The following ZNF804A variants were observed in gnomAD, a reference collection of about 807,000 sequenced individuals.
ZNF804A encodes zinc finger protein 804A.
Under a neutral mutation model 16.5 loss-of-function variants are expected in ZNF804A, and 2 were observed. The ratio of observed to expected loss-of-function variants is 0.12; its 90% CI spans 0.05 to 0.38. The LOEUF is 0.38. Among genes scored for constraint, ZNF804A ranks in the 10% least tolerant of loss-of-function variants. The probability of loss-of-function intolerance (pLI) is 0.99; values close to 1 mark genes in which losing one functional copy is unlikely to be tolerated. For synonymous variants in ZNF804A, 534 were observed against 489.6 expected, an observed-to-expected ratio of 1.09 and a Z score of -1.20; for missense variants, 1,473 against 1,390.7, an observed-to-expected ratio of 1.06 and a Z score of -0.94.
At chr2:184,773,806 A>T (rs771068243) in intron 1 of ZNF804A, among the ~76,000 whole-genome samples, 12 of 152,068 alleles carry the variant, frequency 7.9e-5, no homozygotes, top group East Asian at 1.9e-4. Flanking sequence ...TGAAATAAAA[A>T]TTTTTTAAAA....
chr2:184,749,560 C>A (rs988708503), intron 1 of ZNF804A, among the ~76,000 whole-genome samples: 2 of 151,180 alleles, frequency 1.3e-5, no homozygotes, highest in Non-Finnish European at 3.0e-5. Context: ...TATTTGAATG[C>A]CTTTTATTTC....
rs145615729 is a variant in ZNF804A at position 184,653,731 on chromosome 2, T to C, written c.111+54661T>C. ...ATGCACAGTGCATTTACAGGAGTTG[T>C]ATGCATGTTCTCCTGAGGCATTCTT... On this transcript the variant is annotated intron_variant, in intron 1 of 3. Transcript: ENST00000302277. Among the ~76,000 whole-genome samples, 110 of 152,302 alleles carry C rather than the reference T, an allele frequency of 7.2e-4. 1 individual carries two copies. The highest frequency in any genetic ancestry group is 5.6e-3 in the South Asian group (27 of 4,828).
At chr2:184,863,552 A>AT (rs1326749437) in intron 1 of ZNF804A, among the ~76,000 whole-genome samples, 69 of 136,736 alleles carry the variant, frequency 5.0e-4, no homozygotes, top group African/African-American at 2.0e-3. Flanking sequence ...TATCAAACTT[A>AT]TTAAAAAAAA....
At chr2:184,662,802 A>T (rs551695879) in intron 1 of ZNF804A, among the ~76,000 whole-genome samples, 1 of 152,336 alleles carries the variant, frequency 6.6e-6, no homozygotes, top group South Asian at 2.1e-4. Flanking sequence ...AGTGATGTTG[A>T]AGATGTTATG....
chr2:184,710,039 T>A (rs1343103923), intron 1 of ZNF804A, among the ~76,000 whole-genome samples: 1 of 151,252 alleles, frequency 6.6e-6, no homozygotes, highest in Non-Finnish European at 1.5e-5. Flanking sequence ...TTACAGGAAA[T>A]GATACATTTG....
chr2:184,782,178 G>C (rs1694381010), intron 1 of ZNF804A, among the ~76,000 whole-genome samples: 1 of 151,686 alleles, frequency 6.6e-6, no homozygotes, highest in Non-Finnish European at 1.5e-5. Flanking sequence ...TATGAATTTT[G>C]TTGGGGGACA....
At chr2:184,869,404 A>G (rs950516604) in intron 2 of ZNF804A, among the ~76,000 whole-genome samples, 1 of 151,976 alleles carries the variant, frequency 6.6e-6, no homozygotes, top group Non-Finnish European at 1.5e-5. Flanking sequence ...AGGGCCAATA[A>G]GTGAATAGAA....
intron 1 of ZNF804A, among the ~76,000 whole-genome samples, chr2:184,742,745 C>T (rs1176712400): frequency 6.6e-6 from 1 of 151,172 alleles, no homozygotes; most frequent in Non-Finnish European, 1.5e-5. Context: ...TATATATATA[C>T]ATACATAGCA....
chr2:184,765,714 C>A (rs1459003263), intron 1 of ZNF804A, among the ~76,000 whole-genome samples: 1 of 151,972 alleles, frequency 6.6e-6, no homozygotes, highest in Non-Finnish European at 1.5e-5. Flanking sequence ...GAATAAACCC[C>A]TTCCTTCCTT....
intron 2 of ZNF804A, among the ~76,000 whole-genome samples, chr2:184,889,767 G>A (rs750121863): frequency 7.2e-5 from 11 of 151,848 alleles, no homozygotes; most frequent in Non-Finnish European, 1.0e-4. Context: ...GCCTCACTAA[G>A]TACATGGTAC....
chr2:184,921,510 C>T (rs886889604), intron 2 of ZNF804A, among the ~76,000 whole-genome samples: 7 of 151,890 alleles, frequency 4.6e-5, no homozygotes, highest in African/African-American at 9.7e-5. Context: ...TTGGTGGATA[C>T]GTAGTAGGTA....
At chr2:184,660,356 A>G (rs976549231) in intron 1 of ZNF804A, among the ~76,000 whole-genome samples, 1 of 152,206 alleles carries the variant, frequency 6.6e-6, no homozygotes, top group Non-Finnish European at 1.5e-5. Context: ...TATAAAAAAA[A>G]TCTCTCTGCC....
intron 1 of ZNF804A, among the ~76,000 whole-genome samples, chr2:184,860,110 T>TGTGC (rs1695774120): frequency 6.6e-6 from 1 of 152,168 alleles, no homozygotes; most frequent in African/African-American, 2.4e-5. Context: ...GTCCATAGGG[T>TGTGC]GTGCCTTGGC....
At chr2:184,910,431 C>A (rs1463933280) in intron 2 of ZNF804A, among the ~76,000 whole-genome samples, 2 of 151,854 alleles carry the variant, frequency 1.3e-5, no homozygotes, top group Admixed American at 1.3e-4. Context: ...GCTGCAATGA[C>A]CATAACACAT....
chr2:184,850,912 A>G (rs1288664027), intron 1 of ZNF804A, among the ~76,000 whole-genome samples: 2 of 151,816 alleles, frequency 1.3e-5, no homozygotes, highest in Non-Finnish European at 1.5e-5. Flanking sequence ...TAATTTGTAC[A>G]TTAGCTTGGT....
chr2:184,621,837 G>A (rs554670215), intron 1 of ZNF804A, among the ~76,000 whole-genome samples: 75 of 151,806 alleles, frequency 4.9e-4, no homozygotes, highest in African/African-American at 1.7e-3. Flanking sequence ...CTTCTTAATA[G>A]CATTATGCTA....
intron 1 of ZNF804A, among the ~76,000 whole-genome samples, chr2:184,699,316 A>T (rs1413222291): frequency 6.6e-6 from 1 of 152,118 alleles, no homozygotes; most frequent in Non-Finnish European, 1.5e-5. Flanking sequence ...CTTAAAAATA[A>T]TGGAACAGAT....
intron 1 of ZNF804A, among the ~76,000 whole-genome samples, chr2:184,736,393 A>G (rs1693613460): frequency 6.6e-6 from 1 of 152,246 alleles, no homozygotes; most frequent in Non-Finnish European, 1.5e-5. Context: ...AATGTGGTAC[A>G]TATACACTAT....
chr2:184,840,322 T>G (rs1695416887), intron 1 of ZNF804A, among the ~76,000 whole-genome samples: 1 of 152,102 alleles, frequency 6.6e-6, no homozygotes, highest in Non-Finnish European at 1.5e-5. Flanking sequence ...AGGCGGATGA[T>G]GCAGCGAGCT....
Sources: allele counts gnomAD v4.1 joint callset (sites outside exome capture counted in the v4.1 genomes callset), GRCh38; gene constraint gnomAD v4.1.1; transcripts MANE v1.5; gene names NCBI Gene and HGNC (gene_info 2026-07-23, HGNC 2026-07-21).